DSP: variants seen among roughly 807,000 people sequenced by gnomAD.
The protein encoded by DSP is 250/210 kDa paraneoplastic pemphigus antigen.
Under a neutral mutation model 290.6 loss-of-function variants are expected in DSP, and 114 were observed. That is an observed-to-expected ratio of 0.39 (90% CI 0.34 to 0.46). The LOEUF (loss-of-function observed/expected upper bound fraction) is 0.46. DSP is among the 20% of genes least tolerant of loss of function. The pLI, the probability that DSP is intolerant of heterozygous loss-of-function variation, is 0.99. For missense variants in DSP, 3,230 were observed against 3,495.8 expected, an observed-to-expected ratio of 0.92 and a Z score of 1.92; for synonymous variants, 1,311 against 1,316.4, an observed-to-expected ratio of 1.00 and a Z score of 0.09.
rs1561697455 is a variant in DSP, at chr6:7,579,669, C to G, written c.3479C>G (p.Ser1160Cys). ...AACCTTGGTTGGCAGAAATTAGAGT[C>G]TGAGAAAGCCATCAAGGAGAAGGAG... ...KENLGWQKLESEKAIKEKEYE... is the reference protein window; with the variant it reads ...KENLGWQKLECEKAIKEKEYE... Residue 1160 changes from serine (S) to cysteine (C), a missense_variant, in exon 23 of 24, where the codon TCT becomes TGT. Coordinates refer to ENST00000379802, the MANE Select transcript of DSP (RefSeq NM_004415.4). The surrounding 1 kb of genome is among the most constrained non-coding windows in gnomAD (Gnocchi z 4.1). The G allele has an allele frequency of 6.2e-7, 1 of 1,613,774 alleles. No individual in the cohort carries two copies. Among genetic ancestry groups the G allele is most frequent in the Non-Finnish European group, 8.5e-7 (1 of 1,179,922 alleles).
At chr6:7,548,837 A>G (rs1252288142) in intron 1 of DSP, among the ~76,000 whole-genome samples, 3 of 152,146 alleles carry the variant, frequency 2.0e-5, no homozygotes, top group Non-Finnish European at 4.4e-5. Context: ...ATACCCTCAG[A>G]TGGGTCTTTT....
At position 7,585,760 on chromosome 6, in the gene DSP, C is replaced by G. The variant is rs767961179; in HGVS notation, c.8498C>G (p.Ser2833Cys). 1.4e-5 allele frequency: 22 copies of G among 1,608,012 alleles called. No homozygotes were observed. Among genetic ancestry groups the G allele is most frequent in the African/African-American group, 2.7e-5 (2 of 74,442 alleles). ...PGSRSGSRSG[S>C]RSGSRSGSRS... ...TCCCGCTCCGGCTCCCGCTCGGGAT[C>G]TCGCTCCGGATCTCGCTCCGGGTCC... The change falls in exon 24 of 24, where the codon TCT (serine) becomes TGT (cysteine). Residue 2833 changes from serine to cysteine, a missense_variant. Transcript: ENST00000379802.
At chr6:7,547,807 A>G in intron 1 of DSP, among the ~76,000 whole-genome samples, 1 of 152,170 alleles carries the variant, frequency 6.6e-6, no homozygotes. Context: ...GAATTGTCTC[A>G]GTTATTTTTG....
chr6:7,575,424 T>C lies in DSP; in HGVS notation c.2566T>C (p.Phe856Leu), dbSNP rs779253041. Residue 856 changes from phenylalanine to leucine, a missense_variant, in exon 18 of 24, where the codon TTC becomes CTC. Coordinates refer to ENST00000379802, the MANE Select transcript of DSP (RefSeq NM_004415.4). ...YPLYDLDLGK[F>L]GEKVTQLTDR... ...ACTTTATGATCTGGACTTGGGCAAG[T>C]TCGGTGAAAAAGTCACACAGCTGAC... The C allele has an allele frequency of 3.1e-6, 5 of 1,614,062 alleles. No individual in the cohort carries two copies. In the African/African-American group the frequency reaches 5.3e-5, roughly 17 times the overall value.
At chr6:7,563,597 T>C (rs1173618203) in intron 5 of DSP, 139 bp from the exon 6 acceptor site, 6 of 765,602 alleles carry the variant, frequency 7.8e-6, no homozygotes, top group Non-Finnish European at 1.4e-5. Flanking sequence ...GGGTGAAATA[T>C]CTCATAGAGC....
At chr6:7,544,728 G>A (rs188857491) in intron 1 of DSP, among the ~76,000 whole-genome samples, 4 of 151,968 alleles carry the variant, frequency 2.6e-5, no homozygotes, top group Admixed American at 2.0e-4. Flanking sequence ...TCCTTTCCAC[G>A]AACAGCACTT....
Position 7,577,798 on chromosome 6 carries a change from C to A in DSP, c.2897C>A (p.Ala966Asp). Residue 966 changes from alanine (A) to aspartate (D), a missense_variant, in exon 21 of 24, where the codon GCC becomes GAC. Physicochemically the swap from Ala to Asp is moderately radical, Grantham distance 126 (BLOSUM62 -2). Around this residue, in one of 5 missense-constraint regions of DSP, gnomAD observed 1,714 missense variants for 1,844.5 expected, o/e 0.93. Transcript: ENST00000379802. Reference sequence around the variant, plus strand: ...CTGCAGGATTATGAGCTCCAGCTGGCCTCATACACCTCAGGACTGGAAACT... The same window carrying A: ...CTGCAGGATTATGAGCTCCAGCTGGACTCATACACCTCAGGACTGGAAACT... ...NSIKDYELQL[A>D]SYTSGLETLL... 6.2e-7 allele frequency: 1 copy of A among 1,613,962 alleles called. No individual in the cohort carries two copies.
Position 7,580,863 on chromosome 6 carries a change from G to A in DSP, c.4673G>A (p.Arg1558Gln), listed in dbSNP as rs762105733. 1.3e-5 allele frequency: 21 copies of A among 1,614,026 alleles called. No homozygotes were observed. The highest frequency in any genetic ancestry group is 1.1e-4 in the South Asian group (10 of 91,088). The part of the protein sequence containing the change: ...ERTVKDQDIT[R>Q]FQNSLKELQL... Reference sequence around the variant, plus strand: ...ACTGTGAAGGACCAGGATATCACGCGGTTCCAGAACTCTCTGAAAGAGCTG... The same window carrying A: ...ACTGTGAAGGACCAGGATATCACGCAGTTCCAGAACTCTCTGAAAGAGCTG... Residue 1558 changes from arginine (R) to glutamine (Q), a missense_variant, in exon 23 of 24, where the codon CGG becomes CAG. This residue lies in a region of DSP where 1,714 missense variants were observed against 1,844.5 expected (regional missense o/e 0.93). Coordinates refer to ENST00000379802, the MANE Select transcript of DSP (RefSeq NM_004415.4). This position sits in a 1 kb window ranked among gnomAD's most constrained non-coding sequence, Gnocchi z 4.2.
rs1486008460 is a variant in DSP at position 7,582,529 on chromosome 6, A to G, written c.5380-113A>G. On this transcript the variant is annotated intron_variant, in intron 23 of 23. Transcript: ENST00000379802. The surrounding 1 kb of genome is among the most constrained non-coding windows in gnomAD (Gnocchi z 4.2). ...CAGGGACAATATAGAAAGAAAAAAT[A>G]AGCAAGGCTTTTTTTTTTAAAGATA... is the stretch of plus-strand genomic sequence containing the variant. 9.9e-7 allele frequency: 1 copy of G among 1,011,264 alleles called. No individual in the cohort carries two copies. Among genetic ancestry groups the G allele is most frequent in the Non-Finnish European group, 1.5e-6 (1 of 680,908 alleles). 62.6% of individuals were successfully genotyped at this position (1,011,264 alleles called of 1,614,324 possible). A position where few individuals can be genotyped will look rare whatever the true frequency, so the allele number is the denominator to read the frequency against.
At position 7,579,336 on chromosome 6, in the gene DSP, C is replaced by T. The variant is rs751361395; in HGVS notation, c.3146C>T (p.Ser1049Leu). The change falls in exon 23 of 24, where the codon TCG becomes TTG. Residue 1049 changes from serine (S) to leucine (L), a missense_variant. Physicochemically the swap from Ser to Leu is moderately radical, Grantham distance 145. This residue lies in a region of DSP where 1,714 missense variants were observed against 1,844.5 expected (regional missense o/e 0.93). Transcript: ENST00000379802. The surrounding 1 kb of genome is among the most constrained non-coding windows in gnomAD (Gnocchi z 4.1). ...EELRLARDANSENCNKNKFLD... is the reference protein window; with the variant it reads ...EELRLARDANLENCNKNKFLD... The stretch of plus-strand genomic sequence containing the variant: ...CTCAGACTGGCCCGAGATGCCAACT[C>T]GGAAAACTGTAATAAGAACAAATTC... 1.2e-4 allele frequency: 189 copies of T among 1,614,010 alleles called. No homozygotes were observed. Among genetic ancestry groups the T allele is most frequent in the Middle Eastern group, 4.9e-4 (3 of 6,084 alleles).
At position 7,574,555 on chromosome 6, in the gene DSP, C is replaced by G; in HGVS notation, c.2298-102C>G. On this transcript the variant is annotated intron_variant, in intron 16 of 23. Transcript: ENST00000379802. ...AAAAACAGACAAAATAAATTTTTAT[C>G]TGCTTTGACGTTGTTCCCTTTCATT... 2.6e-6 allele frequency: 4 copies of G among 1,529,484 alleles called. No individual in the cohort carries two copies. The East Asian group carries it at 9.0e-5, about 34-fold the overall frequency. The allele number at this position is 1,529,484 out of a possible 1,614,324, so 94.7% of individuals were successfully genotyped here.
At position 7,574,763 on chromosome 6, in the gene DSP, G is replaced by C. The variant is rs770105310; in HGVS notation, c.2404G>C (p.Asp802His). Residue 802 changes from aspartate to histidine, a missense_variant, in exon 17 of 24, where the codon GAT becomes CAT. This residue lies in a region of DSP where 1,714 missense variants were observed against 1,844.5 expected (regional missense o/e 0.93). Transcript: ENST00000379802. ...TEEETVCLDL[D>H]KVEAYRCGLK... is the part of the protein sequence containing the mutation. ...GGAGGAAACTGTCTGCCTGGACCTG[G>C]ATAAAGTGGAAGCTTACCGCTGTGG... 1.2e-6 allele frequency: 2 copies of C among 1,614,066 alleles called. No homozygotes were observed. The highest frequency in any genetic ancestry group is 2.7e-5 in the African/African-American group (2 of 74,930).
intron 8 of DSP, 27 bp from the exon 9 acceptor site, chr6:7,567,327 A>G (rs1758891475): frequency 6.3e-7 from 1 of 1,596,958 alleles, no homozygotes; most frequent in South Asian, 1.1e-5. Flanking sequence ...GAGCTAGGCT[A>G]AGACAGCTGA....
Position 7,584,451 on chromosome 6 carries a change from T to C in DSP, c.7189T>C (p.Phe2397Leu), listed in dbSNP as rs1229380758. ...PVDIAYKRGY[F>L]NEELSEILSD... ...TGACATAGCATATAAGAGGGGCTAT[T>C]TCAATGAGGAACTCAGTGAGATTCT... The change falls in exon 24 of 24, where the codon TTC becomes CTC. Residue 2397 changes from phenylalanine (F) to leucine (L), a missense_variant. By Grantham distance (22) the Phe-to-Leu change is conservative. Transcript: ENST00000379802. The surrounding 1 kb of genome is among the most constrained non-coding windows in gnomAD (Gnocchi z 6.4). The C allele has an allele frequency of 6.2e-7, 1 of 1,614,146 alleles. No homozygotes were observed. The highest frequency in any genetic ancestry group is 1.1e-5 in the South Asian group (1 of 91,078).
chr6:7,568,995 C>T (rs1445780365), intron 11 of DSP, among the ~76,000 whole-genome samples, 191 bp from the exon 12 acceptor site: 1 of 152,174 alleles, frequency 6.6e-6, no homozygotes, highest in East Asian at 1.9e-4. Context: ...TTCATGTATA[C>T]CTTTTAGGCT....
rs1758009026 is a variant in DSP at position 7,542,187 on chromosome 6, G to C, written c.170+102G>C. The stretch of plus-strand genomic sequence containing the variant: ...AGACTCGGGTCCCGAAGGTGGAAAG[G>C]TTTTTTTGCCCCAGGTCCCGAAAGA... On this transcript the variant is annotated intron_variant, in intron 1 of 23. Coordinates refer to ENST00000379802, the MANE Select transcript of DSP (RefSeq NM_004415.4). 13 of 1,478,400 alleles carry C rather than the reference G, an allele frequency of 8.8e-6. No individual in the cohort carries two copies. The East Asian group carries it at 3.0e-4, about 34-fold the overall frequency. 91.6% of individuals were successfully genotyped at this position (1,478,400 alleles called of 1,614,324 possible).
In DSP at chr6:7,569,229, A is replaced by G. The variant is rs1561688442; in HGVS notation, c.1463A>G (p.Asn488Ser). ...GATGAGTGTATCCTGAAGGACAACA[A>G]CGAGCGCAGCAAGTGGTACGTGACG... ...KGDECILKDN[N>S]ERSKWYVTGP... Residue 488 changes from asparagine to serine, a missense_variant, in exon 12 of 24, where the codon AAC (asparagine) becomes AGC (serine). By Grantham distance (46) the Asn-to-Ser change is conservative. This residue lies in a region of DSP where 646 missense variants were observed against 684.3 expected (regional missense o/e 0.94). Coordinates refer to ENST00000379802, the MANE Select transcript of DSP (RefSeq NM_004415.4). 1.2e-6 allele frequency: 2 copies of G among 1,614,194 alleles called. No homozygotes were observed. Among genetic ancestry groups the G allele is most frequent in the Non-Finnish European group, 1.7e-6 (2 of 1,180,028 alleles).
At chr6:7,562,489 T>C in intron 4 of DSP, 163 bp from the exon 5 acceptor site, 9 of 1,208,522 alleles carry the variant, frequency 7.4e-6, no homozygotes, top group Non-Finnish European at 9.5e-6. Context: ...TTGGCAACCC[T>C]GCATTAGCCA....
intron 1 of DSP, among the ~76,000 whole-genome samples, chr6:7,549,722 A>T (rs1037466564): frequency 1.3e-5 from 2 of 152,116 alleles, no homozygotes; most frequent in Non-Finnish European, 2.9e-5. Context: ...GCATATGTAC[A>T]AGAGCCTGTG....
Sources: allele counts gnomAD v4.1 joint callset (sites outside exome capture counted in the v4.1 genomes callset), GRCh38; gene constraint gnomAD v4.1.1; regional missense constraint gnomAD v4.1.1; non-coding constraint Gnocchi (gnomAD v3.1); transcripts MANE v1.5; gene names NCBI Gene and HGNC (gene_info 2026-07-23, HGNC 2026-07-21).